Variants in FBXO34 observed in about 807,000 individuals in gnomAD.
The protein encoded by FBXO34 is F-box protein 34.
FBXO34 carries 12 observed loss-of-function variants against 24.5 expected under a neutral mutation model. That is an observed-to-expected ratio of 0.49 (90% CI 0.31 to 0.79). The LOEUF (loss-of-function observed/expected upper bound fraction) is 0.79, where lower values mean the gene tolerates loss of function less well. Ranked by LOEUF, FBXO34 falls within the 30% of genes least tolerant of loss-of-function variation. The pLI is 0.04. For missense variants in FBXO34, 823 were observed against 857.7 expected (o/e 0.96, Z 0.51); for synonymous variants, 320 against 311.9 (o/e 1.03, Z -0.27).
At chr14:55,401,518 T>TA in the FBXO34 span, among the ~76,000 whole-genome samples, 1 of 152,178 alleles carries the variant, frequency 6.6e-6, no homozygotes, top group Non-Finnish European at 1.5e-5. Flanking sequence ...CTCTCCCAAT[T>TA]AAAAAAGTCT....
the FBXO34 span, among the ~76,000 whole-genome samples, chr14:55,375,490 AT>A: frequency 9.0e-4 from 106 of 117,796 alleles, no homozygotes; most frequent in South Asian, 1.4e-3. Context: ...GCCGGGCTAA[AT>A]TTTTTTTTTT....
rs532419559 is a variant in FBXO34, at chr14:55,334,568, C to A, written c.-10-15813C>A. 3.1e-4 allele frequency among the ~76,000 whole-genome samples: 47 copies of A among 151,932 alleles called. 1 individual carries two copies. In the South Asian group the frequency reaches 9.4e-3, roughly 30 times the overall value. On this transcript the variant is annotated intron_variant, in intron 1 of 1. Transcript: ENST00000313833. ...GGGGCAGTAGATGTGATCTGGGCAA[C>A]GAGGAGCCAGTTGGAGAAGTGGTTT...
the FBXO34 span, chr14:55,413,936 T>G: frequency 4.1e-6 from 2 of 486,604 alleles, no homozygotes; most frequent in South Asian, 3.1e-5. Flanking sequence ...ATTCCCTTGA[T>G]GTCTACAATA....
chr14:55,322,707 T>C (rs1238974293), intron 1 of FBXO34, among the ~76,000 whole-genome samples: 1 of 152,102 alleles, frequency 6.6e-6, no homozygotes, highest in Non-Finnish European at 1.5e-5. Context: ...GTGTTTTAAC[T>C]TTATGGTGTC....
At chr14:55,370,008 C>G, downstream of FBXO34, 1 of 1,370,830 alleles carries the variant, frequency 7.3e-7, no homozygotes, top group Non-Finnish European at 9.9e-7. Context: ...AAGGCCCTCA[C>G]CTGAGGGGAT....
At chr14:55,354,204 C>T (rs1884485143), downstream of FBXO34, among the ~76,000 whole-genome samples, 1 of 152,134 alleles carries the variant, frequency 6.6e-6, no homozygotes, top group Non-Finnish European at 1.5e-5. Flanking sequence ...GAGTGTTTTT[C>T]CTTATGACTC....
chr14:55,280,142 GTACATGATATATGTACA>G (rs1297407697), intron 1 of FBXO34, among the ~76,000 whole-genome samples: 2 of 152,022 alleles, frequency 1.3e-5, no homozygotes, highest in East Asian at 3.9e-4. Flanking sequence ...AAATATATTA[GTACATGATATATGTACA>G]TACATGTATA....
chr14:55,440,570 G>T, the FBXO34 span: 1 of 1,567,572 alleles, frequency 6.4e-7, no homozygotes. Context: ...GCAGCGAGGC[G>T]GGGCGGCCCT....
At chr14:55,440,499 G>A in the FBXO34 span, 1 of 1,612,050 alleles carries the variant, frequency 6.2e-7, no homozygotes, top group Non-Finnish European at 8.5e-7. Flanking sequence ...GGGTAAGCGC[G>A]GAGCGAGCAG....
At chr14:55,400,077 T>G in the FBXO34 span, among the ~76,000 whole-genome samples, 486 of 152,194 alleles carry the variant, frequency 3.2e-3, 4 homozygotes, top group African/African-American at 0.011. Flanking sequence ...ATGAAAGAAA[T>G]CAAAAATAGG....
At chr14:55,347,663 G>A (rs115721895) in intron 1 of FBXO34, among the ~76,000 whole-genome samples, 1,869 of 152,182 alleles carry the variant, frequency 0.012, 45 homozygotes, top group African/African-American at 0.042. Flanking sequence ...TTTTAATCTT[G>A]CTAAAATCTT....
intron 1 of FBXO34, among the ~76,000 whole-genome samples, chr14:55,319,123 G>A (rs1883039720): frequency 6.6e-6 from 1 of 152,164 alleles, no homozygotes; most frequent in South Asian, 2.1e-4. Context: ...AAGGGGGAAT[G>A]TGGGTCTGTT....
chr14:55,386,659 A>G, the FBXO34 span, among the ~76,000 whole-genome samples: 1 of 152,190 alleles, frequency 6.6e-6, no homozygotes, highest in Non-Finnish European at 1.5e-5. Flanking sequence ...AGGTATCTAG[A>G]CACGCATGCC....
the FBXO34 span, among the ~76,000 whole-genome samples, chr14:55,405,982 G>A: frequency 5.3e-5 from 8 of 152,220 alleles, no homozygotes; most frequent in Admixed American, 5.2e-4. Flanking sequence ...AGGATGATGT[G>A]GGTGAGGATA....
At chr14:55,439,505 G>GC in the FBXO34 span, among the ~76,000 whole-genome samples, 12 of 151,624 alleles carry the variant, frequency 7.9e-5, no homozygotes, top group Admixed American at 7.2e-4. Context: ...GAACCAGGCG[G>GC]GGGGCCAGGA....
rs572405005 is a variant in FBXO34 at position 55,318,518 on chromosome 14, A to AT, written c.-10-31853dup. The stretch of plus-strand genomic sequence containing the variant: ...GTGGTTGTTCAACTACATGACTTGT[A>AT]TTTTTTTTTTGTTTTTGTTTTTATT... On this transcript the variant is annotated intron_variant, in intron 1 of 1. Transcript: ENST00000313833. Among the ~76,000 whole-genome samples, 559 of 116,340 alleles carry AT rather than the reference A, an allele frequency of 4.8e-3. 8 individuals carry two copies. Among genetic ancestry groups the AT allele is most frequent in the African/African-American group, 0.012 (392 of 31,478 alleles). The allele number at this position is 116,340 out of a possible 152,430, so 76.3% of individuals were successfully genotyped here.
the FBXO34 span, chr14:55,414,598 GTAAA>G: frequency 1.6e-6 from 1 of 619,008 alleles, no homozygotes; most frequent in South Asian, 2.7e-5. Flanking sequence ...TTTATTCCGG[GTAAA>G]TAATTTGGCA....
chr14:55,295,887 G>T (rs991792922), intron 1 of FBXO34, among the ~76,000 whole-genome samples: 1 of 152,142 alleles, frequency 6.6e-6, no homozygotes, highest in South Asian at 2.1e-4. Context: ...CAGCTTAGTG[G>T]AACAGTAATG....
At chr14:55,427,226 T>C in the FBXO34 span, among the ~76,000 whole-genome samples, 1 of 150,858 alleles carries the variant, frequency 6.6e-6, no homozygotes, top group Non-Finnish European at 1.5e-5. Context: ...GGGAGGACTT[T>C]ATAGGGAGCT....
Sources: allele counts gnomAD v4.1 joint callset (sites outside exome capture counted in the v4.1 genomes callset), GRCh38; gene constraint gnomAD v4.1.1; transcripts MANE v1.5; gene names NCBI Gene and HGNC (gene_info 2026-07-23, HGNC 2026-07-21).